The following IMMP2L variants were observed in gnomAD, a reference collection of about 807,000 sequenced individuals.
IMMP2L encodes mitochondrial inner membrane protease subunit 2.
A neutral mutation model predicts 19.3 loss-of-function variants in IMMP2L; 18 were observed. The ratio of observed to expected loss-of-function variants is 0.93; its 90% CI spans 0.64 to 1.38. The LOEUF (loss-of-function observed/expected upper bound fraction) is 1.38, where lower values mean the gene tolerates loss of function less well. Ranked by LOEUF, IMMP2L falls within the 40% of genes most tolerant of loss-of-function variation. The probability of loss-of-function intolerance (pLI) is 0.00; values close to 1 mark genes in which losing one functional copy is unlikely to be tolerated. For synonymous variants in IMMP2L, 76 were observed against 73.0 expected (o/e 1.04, Z -0.21); for missense variants, 233 against 218.2 (o/e 1.07, Z -0.43).
At chr7:111,503,644 T>C (rs1844552587) in intron 2 of IMMP2L, among the ~76,000 whole-genome samples, 1 of 152,140 alleles carries the variant, frequency 6.6e-6, no homozygotes, top group Admixed American at 6.6e-5. Context: ...GCTTCATCCC[T>C]GGGATGAAAG....
intron 5 of IMMP2L, among the ~76,000 whole-genome samples, chr7:110,784,378 C>T (rs892080668): frequency 4.6e-5 from 7 of 151,986 alleles, no homozygotes; most frequent in African/African-American, 1.7e-4. Flanking sequence ...GCACCTCCTC[C>T]CCTCCCCTTC....
intron 3 of IMMP2L, among the ~76,000 whole-genome samples, chr7:111,252,133 T>TA (rs550524235): frequency 7.6e-4 from 108 of 142,344 alleles, no homozygotes; most frequent in Middle Eastern, 3.7e-3. Flanking sequence ...TTTGGGAGCA[T>TA]AAAAAAAAAA....
At chr7:111,287,395 T>C (rs1334594419) in intron 3 of IMMP2L, among the ~76,000 whole-genome samples, 2 of 152,116 alleles carry the variant, frequency 1.3e-5, no homozygotes, top group East Asian at 1.9e-4. Flanking sequence ...TTAAGCATCA[T>C]AACTGCTACG....
intron 3 of IMMP2L, among the ~76,000 whole-genome samples, chr7:111,272,490 CCTCACTAG>C (rs1290102272): frequency 6.6e-6 from 1 of 152,156 alleles, no homozygotes; most frequent in Non-Finnish European, 1.5e-5. Context: ...CAACTATTTA[CCTCACTAG>C]CTAAGCTCCA....
intron 3 of IMMP2L, among the ~76,000 whole-genome samples, chr7:111,046,235 T>C (rs1221674198): frequency 1.3e-5 from 2 of 151,950 alleles, no homozygotes; most frequent in African/African-American, 4.8e-5. Flanking sequence ...AAATAAACTG[T>C]AGACTTACCA....
chr7:111,548,890 C>T (rs995989774), intron 1 of IMMP2L, among the ~76,000 whole-genome samples: 3 of 152,086 alleles, frequency 2.0e-5, no homozygotes, highest in Admixed American at 2.0e-4. Flanking sequence ...TTTCTTCCTA[C>T]AAACAGGAAA....
intron 5 of IMMP2L, among the ~76,000 whole-genome samples, chr7:110,832,028 T>G (rs545054820): frequency 2.0e-5 from 3 of 152,030 alleles, no homozygotes; most frequent in Admixed American, 6.6e-5. Context: ...CTTTGGGAGG[T>G]TGAGGTGTGC....
intron 5 of IMMP2L, among the ~76,000 whole-genome samples, chr7:110,836,952 G>GC (rs1275985977): frequency 6.6e-6 from 1 of 152,064 alleles, no homozygotes; most frequent in Non-Finnish European, 1.5e-5. Flanking sequence ...AAGTAATATG[G>GC]CAAGGTCCAT....
At chr7:111,269,071 A>C (rs944355234) in intron 3 of IMMP2L, among the ~76,000 whole-genome samples, 1 of 152,180 alleles carries the variant, frequency 6.6e-6, no homozygotes, top group African/African-American at 2.4e-5. Context: ...GGCTCTGCCT[A>C]TGCTACTTCT....
chr7:111,281,194 GAAAGAAAGAAAGAAAGAAAGAAAA>G (rs1819763023), intron 3 of IMMP2L, among the ~76,000 whole-genome samples: 3 of 52,302 alleles, frequency 5.7e-5, no homozygotes, highest in African/African-American at 1.4e-4. Context: ...AAGAAAGAAA[GAAAGAAAGAAAGAAAGAAAGAAAA>G]AGAAAGAAAG....
chr7:110,917,147 G>A (rs1813700741), intron 4 of IMMP2L, among the ~76,000 whole-genome samples: 1 of 152,122 alleles, frequency 6.6e-6, no homozygotes, highest in Admixed American at 6.6e-5. Flanking sequence ...AAAGATGGAG[G>A]CAGAGAATGA....
intron 3 of IMMP2L, among the ~76,000 whole-genome samples, chr7:111,220,043 T>C (rs963414269): frequency 1.3e-5 from 2 of 152,184 alleles, no homozygotes; most frequent in South Asian, 2.1e-4. Context: ...AGCTCCACTA[T>C]AGAATTATGT....
intron 3 of IMMP2L, among the ~76,000 whole-genome samples, chr7:111,242,474 C>T (rs984370360): frequency 1.3e-5 from 2 of 152,054 alleles, no homozygotes; most frequent in East Asian, 1.9e-4. Flanking sequence ...GATCCAGGGG[C>T]GCAGTTAAAG....
intron 3 of IMMP2L, among the ~76,000 whole-genome samples, chr7:111,330,480 T>C (rs1043448342): frequency 6.6e-6 from 1 of 151,012 alleles, no homozygotes; most frequent in Non-Finnish European, 1.5e-5. Flanking sequence ...ACTTATATAC[T>C]GAAAGGGCCC....
intron 2 of IMMP2L, among the ~76,000 whole-genome samples, chr7:111,505,641 T>TA (rs1844809792): frequency 6.6e-6 from 1 of 152,198 alleles, no homozygotes; most frequent in Non-Finnish European, 1.5e-5. Context: ...TATGCAGCCA[T>TA]AAAAAATGAT....
At chr7:111,428,871 AC>A (rs1414969520) in intron 3 of IMMP2L, among the ~76,000 whole-genome samples, 7 of 151,874 alleles carry the variant, frequency 4.6e-5, no homozygotes, top group South Asian at 2.1e-4. Flanking sequence ...ATAAGTACTT[AC>A]AAAGCTCCAT....
intron 3 of IMMP2L, among the ~76,000 whole-genome samples, chr7:111,326,108 C>T (rs1049963901): frequency 1.3e-5 from 2 of 151,544 alleles, no homozygotes; most frequent in Non-Finnish European, 3.0e-5. Flanking sequence ...AATTTCTGCT[C>T]TCTTTACTTG....
chr7:111,397,755 T>G (rs1488089003), intron 3 of IMMP2L, among the ~76,000 whole-genome samples: 2 of 152,180 alleles, frequency 1.3e-5, no homozygotes, highest in African/African-American at 4.8e-5. Context: ...ATTACTATTT[T>G]GTGGCTGTTT....
chr7:111,353,350 T>G (rs1249754678), intron 3 of IMMP2L, among the ~76,000 whole-genome samples: 2 of 152,200 alleles, frequency 1.3e-5, no homozygotes, highest in East Asian at 1.9e-4. Context: ...ACTCCCCTTC[T>G]AACCAAGGCA....
Sources: allele counts gnomAD v4.1 joint callset (sites outside exome capture counted in the v4.1 genomes callset), GRCh38; gene constraint gnomAD v4.1.1; transcripts MANE v1.5; gene names NCBI Gene and HGNC (gene_info 2026-07-23, HGNC 2026-07-21).